Variants in MCM3AP observed in about 807,000 individuals in gnomAD.
MCM3AP encodes the protein minichromosome maintenance complex component 3 associated protein.
In MCM3AP, 126 loss-of-function variants were observed where a neutral mutation model predicts 184.1. The observed-to-expected ratio is 0.68, with a 90% CI of 0.59 to 0.79. The LOEUF is 0.79. Among genes scored for constraint, MCM3AP ranks in the 30% least tolerant of loss-of-function variants. The probability of loss-of-function intolerance (pLI) is 0.00; values close to 1 mark genes in which losing one functional copy is unlikely to be tolerated. For missense variants in MCM3AP, 2,496 were observed against 2,479.2 expected, an observed-to-expected ratio of 1.01 and a Z score of -0.14; for synonymous variants, 1,002 against 979.3, an observed-to-expected ratio of 1.02 and a Z score of -0.43.
In MCM3AP at chr21:46,275,216, G is replaced by T; in HGVS notation, c.1968C>A (p.Ser656Arg). 6.2e-7 allele frequency: 1 copy of T among 1,613,834 alleles called. No homozygotes were observed. The highest frequency in any genetic ancestry group is 2.2e-5 in the East Asian group (1 of 44,844). ...CAGTCCCTGGGACCACTTCGAACAC[G>T]CTCAGCTGGCTACGGGTCTCCCGCA... Reference protein sequence around the residue: ...RYMRETRSQLSVFEVVPGTDQ... With the variant: ...RYMRETRSQLRVFEVVPGTDQ... The change falls in exon 6 of 28, where the codon AGC (serine) becomes AGA (arginine). Residue 656 changes from serine to arginine, a missense_variant. This residue lies in a region of MCM3AP where 130 missense variants were observed against 199.8 expected (regional missense o/e 0.65). Transcript: ENST00000291688.
chr21:46,247,065 T>C lies in MCM3AP; in HGVS notation c.4291-179A>G, dbSNP rs1457726199. The C allele has an allele frequency of 1.4e-5, 8 of 578,462 alleles. No individual in the cohort carries two copies. In the East Asian group the frequency reaches 2.0e-4, roughly 14 times the overall value. The allele number at this position is 578,462 out of a possible 1,614,324, so 35.8% of individuals were successfully genotyped here. On this transcript the variant is annotated intron_variant, in intron 20 of 27. Transcript: ENST00000291688. Reference sequence around the variant, plus strand: ...GTAGTTATCTTACTTCCTGTAGTTATTTTAATTCCTGGCCCCTCTTTCCCT... The same window carrying C: ...GTAGTTATCTTACTTCCTGTAGTTACTTTAATTCCTGGCCCCTCTTTCCCT...
In MCM3AP at chr21:46,284,538, C is replaced by CT; in HGVS notation, c.748dup (p.Ser250LysfsTer2). 1.2e-6 allele frequency: 2 copies of CT among 1,614,216 alleles called. No individual in the cohort carries two copies. Among genetic ancestry groups the CT allele is most frequent in the Non-Finnish European group, 1.7e-6 (2 of 1,180,040 alleles). On this transcript the variant is annotated frameshift_variant, in exon 1 of 28. Transcript: ENST00000291688. LOFTEE classifies it high-confidence loss of function. ...AACCGCAGATGATACAGGGAAGCTA[C>CT]TGAAGCTATTATTAGAACTTCCAAA... is the stretch of plus-strand genomic sequence containing the variant.
At chr21:46,262,965 CAAAAAAAAAAAA>C (rs34666984) in intron 13 of MCM3AP, among the ~76,000 whole-genome samples, 3 of 45,734 alleles carry the variant, frequency 6.6e-5, no homozygotes, top group Non-Finnish European at 1.1e-4. Flanking sequence ...GACTCCGTCT[CAAAAAAAAAAAA>C]AAAAAAAAAA....
rs377210645 is a variant in MCM3AP, at chr21:46,284,076, T to A, written c.1211A>T (p.Lys404Met). The A allele has an allele frequency of 6.2e-7, 1 of 1,610,708 alleles. No individual in the cohort carries two copies. The highest frequency in any genetic ancestry group is 1.3e-5 in the African/African-American group (1 of 74,670). The change falls in exon 1 of 28, where the codon AAG (lysine) becomes ATG (methionine). Residue 404 changes from lysine (K) to methionine (M), a missense_variant. Coordinates refer to ENST00000291688, the MANE Select transcript of MCM3AP (RefSeq NM_003906.5). The part of the protein sequence containing the change: ...NKEEETESRE[K>M]KEDSLRGTPA... ...ACATTTTCAGAGCTCACCTTCTTTCTTCTCTCTACTTTCAGTTTCTTCCTC... is the reference window on the plus strand; with the variant it reads ...ACATTTTCAGAGCTCACCTTCTTTCATCTCTCTACTTTCAGTTTCTTCCTC...
rs770240930 is a variant in MCM3AP, at chr21:46,273,571, T to C, written c.2013A>G (p.Ala671=). 3 of 1,613,642 alleles carry C rather than the reference T, an allele frequency of 1.9e-6. No homozygotes were observed. Among genetic ancestry groups the C allele is most frequent in the Admixed American group, 3.3e-5 (2 of 59,994 alleles). ...AGGACCGACTGTACTCTTTCACAGC[T>C]GCTGCGTGGTCCACCTAGAGACATG... ...VPGTDQVDHA[A]AVKEYSRSSA... The change falls in exon 7 of 28, where the codon GCA becomes GCG. Residue 671 remains alanine, a synonymous_variant. Transcript: ENST00000291688.
At chr21:46,280,734 C>G (rs2081321361) in intron 2 of MCM3AP, among the ~76,000 whole-genome samples, 159 bp from the exon 3 acceptor site, 1 of 152,228 alleles carries the variant, frequency 6.6e-6, no homozygotes, top group African/African-American at 2.4e-5. Flanking sequence ...CGTCTGCTAA[C>G]TGCATGGTCT....
At chr21:46,278,678 GC>G (rs201697065) in intron 4 of MCM3AP, among the ~76,000 whole-genome samples, 23 of 150,904 alleles carry the variant, frequency 1.5e-4, no homozygotes, top group Admixed American at 3.3e-4. Flanking sequence ...TTAGGAGACA[GC>G]CTTTTTTTTT....
At position 46,243,651 on chromosome 21, in the gene MCM3AP, G is replaced by A. The variant is rs1347455786; in HGVS notation, c.5110C>T (p.Pro1704Ser). The A allele has an allele frequency of 6.2e-7, 1 of 1,614,102 alleles. No homozygotes were observed. The highest frequency in any genetic ancestry group is 8.5e-7 in the Non-Finnish European group (1 of 1,180,050). ...SQIPSSRQTQ[P>S]VLQSQVENLL... The stretch of plus-strand genomic sequence containing the variant: ...TTCTCCACCTGGGACTGGAGGACAG[G>A]CTGTGTCTGGCGTGAGCTGGGGATC... The change falls in exon 24 of 28, where the codon CCT becomes TCT. Residue 1704 changes from proline to serine, a missense_variant. Around this residue, in one of 5 missense-constraint regions of MCM3AP, gnomAD observed 1,323 missense variants for 1,273.4 expected, o/e 1.04. Transcript: ENST00000291688.
At chr21:46,278,875 A>G (rs527689480) in intron 4 of MCM3AP, among the ~76,000 whole-genome samples, 21 of 150,590 alleles carry the variant, frequency 1.4e-4, no homozygotes, top group Admixed American at 3.3e-4. Context: ...GGGTTTCACC[A>G]TATCAGCCAG....
At chr21:46,271,633 TG>T (rs1474195321) in intron 8 of MCM3AP, among the ~76,000 whole-genome samples, 1 of 151,992 alleles carries the variant, frequency 6.6e-6, no homozygotes, top group Non-Finnish European at 1.5e-5. Flanking sequence ...CCGAGGCAGG[TG>T]GATCACCTGA....
At chr21:46,275,380 C>A in intron 5 of MCM3AP, 55 bp from the exon 6 acceptor site, 1 of 1,470,822 alleles carries the variant, frequency 6.8e-7, no homozygotes, top group Non-Finnish European at 9.3e-7. Flanking sequence ...CACGAACCTA[C>A]AGAAGTGTAT....
At chr21:46,275,901 A>G (rs1488291982) in intron 5 of MCM3AP, among the ~76,000 whole-genome samples, 1 of 152,246 alleles carries the variant, frequency 6.6e-6, no homozygotes, top group African/African-American at 2.4e-5. Context: ...TGCAAGGAAA[A>G]GGAAATGCAA....
Position 46,238,013 on chromosome 21 carries a change from C to A in MCM3AP, c.5634-1034G>T, listed in dbSNP as rs1245879905. The stretch of plus-strand genomic sequence containing the variant: ...TACTTGGGAGGCTGAGGCAGGAGAA[C>A]TGCCTGAACCCGGGAGGCGGAGGTT... On this transcript the variant is annotated intron_variant, in intron 26 of 27. Transcript: ENST00000291688. Among the ~76,000 whole-genome samples, 2 of 110,082 alleles carry A rather than the reference C, an allele frequency of 1.8e-5. 1 individual carries two copies. Among genetic ancestry groups the A allele is most frequent in the Admixed American group, 2.0e-4 (2 of 9,988 alleles). The allele number at this position is 110,082 out of a possible 152,430, so 72.2% of individuals were successfully genotyped here. A position where few individuals can be genotyped will look rare whatever the true frequency, so the allele number is the denominator to read the frequency against.
rs1365948990 is a variant in MCM3AP, at chr21:46,273,120, G to A, written c.2196+268C>T. Among the ~76,000 whole-genome samples the A allele has an allele frequency of 3.3e-5, 5 of 152,110 alleles. No individual in the cohort carries two copies. In the South Asian group the frequency reaches 6.2e-4, roughly 19 times the overall value. ...CGCTCGAGTAGCTGGGACTACAGGC[G>A]TGTGCCACCACGCCAAGCTAATTTT... On this transcript the variant is annotated intron_variant, in intron 7 of 27. Transcript: ENST00000291688.
At chr21:46,273,701 G>C in intron 6 of MCM3AP, 116 bp from the exon 7 acceptor site, 1 of 696,138 alleles carries the variant, frequency 1.4e-6, no homozygotes, top group South Asian at 1.9e-5. Context: ...CAGTATTTGA[G>C]AATATATTTT....
chr21:46,269,883 C>G (rs757916215), intron 9 of MCM3AP, among the ~76,000 whole-genome samples: 3 of 152,164 alleles, frequency 2.0e-5, no homozygotes, highest in African/African-American at 7.2e-5. Flanking sequence ...ACAAAATAAC[C>G]GACTGGAAAC....
rs746862527 is a variant in MCM3AP, at chr21:46,277,722, A to G, written c.1668-5T>C. 2 of 1,556,998 alleles carry G rather than the reference A, an allele frequency of 1.3e-6. No individual in the cohort carries two copies. Among genetic ancestry groups the G allele is most frequent in the South Asian group, 1.2e-5 (1 of 84,152 alleles). On this transcript the variant is annotated splice_polypyrimidine_tract_variant and splice_region_variant and intron_variant, in intron 4 of 27. Coordinates refer to ENST00000291688, the MANE Select transcript of MCM3AP (RefSeq NM_003906.5). ...CTTGGCTTCTTCACTGGAGAGCTAT[A>G]AAGTAAACACCACACTGAGGGCCCT...
chr21:46,243,307 T>C (rs922014189), intron 24 of MCM3AP, 158 bp downstream of exon 24: 1 of 912,800 alleles, frequency 1.1e-6, no homozygotes, highest in Admixed American at 2.4e-5. Flanking sequence ...CCTGTCTCAA[T>C]GTTTTTAAGT....
At position 46,277,706 on chromosome 21, in the gene MCM3AP, T is replaced by C; in HGVS notation, c.1679A>G (p.Lys560Arg). The C allele has an allele frequency of 1.3e-6, 2 of 1,585,556 alleles. No homozygotes were observed. Among genetic ancestry groups the C allele is most frequent in the Non-Finnish European group, 1.7e-6 (2 of 1,165,992 alleles). The change falls in exon 5 of 28, where the codon AAG becomes AGG. Residue 560 changes from lysine (K) to arginine (R), a missense_variant. Physicochemically the swap from Lys to Arg is conservative, Grantham distance 26 (BLOSUM62 2). This residue lies in a region of MCM3AP where 800 missense variants were observed against 717.1 expected (regional missense o/e 1.12). Transcript: ENST00000291688. ...SSLLNKSSPV[K>R]KPSLLKAHQF... Reference sequence around the variant, plus strand: ...GTGGGCCTTTAGAAGACTTGGCTTCTTCACTGGAGAGCTATAAAGTAAACA... The same window carrying C: ...GTGGGCCTTTAGAAGACTTGGCTTCCTCACTGGAGAGCTATAAAGTAAACA...
Sources: allele counts gnomAD v4.1 joint callset (sites outside exome capture counted in the v4.1 genomes callset), GRCh38; gene constraint gnomAD v4.1.1; regional missense constraint gnomAD v4.1.1; transcripts MANE v1.5; gene names NCBI Gene and HGNC (gene_info 2026-07-23, HGNC 2026-07-21).